Variants in RANBP2 observed in about 807,000 individuals in gnomAD.
RANBP2 encodes the protein E3 SUMO-protein ligase RanBP2.
Under a neutral mutation model 303.6 loss-of-function variants are expected in RANBP2, and 57 were observed. That is an observed-to-expected ratio of 0.19 (90% CI 0.15 to 0.23). The LOEUF is 0.23. Ranked by LOEUF, RANBP2 falls within the 10% of genes least tolerant of loss-of-function variation. RANBP2 has a pLI of 1.00. For synonymous variants in RANBP2, 1,167 were observed against 1,301.5 expected (o/e 0.90, Z 2.23); for missense variants, 3,138 against 3,780.8 (o/e 0.83, Z 4.46).
rs1676936395 is a variant in RANBP2, at chr2:108,764,007, A to T, written c.3468A>T (p.Thr1156=). The part of the protein sequence containing the change: ...TLETANKNHE[T]DGGSAHGDDD... ...AGACAGCAAACAAGAATCATGAGAC[A>T]GATGGAGGAAGTGCCCATGGGGATG... Residue 1156 remains threonine, a synonymous_variant, in exon 20 of 29, where the codon ACA becomes ACT. Transcript: ENST00000283195. 1 of 1,613,930 alleles carries T rather than the reference A, an allele frequency of 6.2e-7. No individual in the cohort carries two copies. The highest frequency in any genetic ancestry group is 8.5e-7 in the Non-Finnish European group (1 of 1,179,810).
chr2:108,738,278 C>T lies in RANBP2; in HGVS notation c.782+2029C>T, dbSNP rs374664348. Among the ~76,000 whole-genome samples, 226 of 143,360 alleles carry T rather than the reference C, an allele frequency of 1.6e-3. 1 individual carries two copies. The highest frequency in any genetic ancestry group is 6.2e-3 in the South Asian group (27 of 4,338). 94.0% of individuals were successfully genotyped at this position (143,360 alleles called of 152,430 possible). ...TTTTAGTAGAGATGGGGTTTCACCG[C>T]GTTAGCCAGGATGGTCTTGATCTCC... On this transcript the variant is annotated intron_variant, in intron 6 of 28. Transcript: ENST00000283195.
intron 25 of RANBP2, 62 bp from the exon 26 acceptor site, chr2:108,781,204 TAAG>T: frequency 2.7e-6 from 4 of 1,499,644 alleles, no homozygotes; most frequent in Non-Finnish European, 3.7e-6. Context: ...ATTGATAAAA[TAAG>T]AGGGGGATGA....
At chr2:108,750,082 G>C (rs1675744417) in intron 9 of RANBP2, among the ~76,000 whole-genome samples, 1 of 152,258 alleles carries the variant, frequency 6.6e-6, no homozygotes, top group Non-Finnish European at 1.5e-5. Context: ...GGAGGCGGAG[G>C]TTGCAGTGAG....
chr2:109,610,336 T>C, the RANBP2 span, among the ~76,000 whole-genome samples: 1 of 151,994 alleles, frequency 6.6e-6, no homozygotes. Flanking sequence ...GATCCATCCA[T>C]CTGGGCCTCC....
At chr2:108,828,360 T>G in the RANBP2 span, among the ~76,000 whole-genome samples, 3 of 152,186 alleles carry the variant, frequency 2.0e-5, no homozygotes, top group African/African-American at 7.2e-5. Flanking sequence ...CTACTTATCC[T>G]AAAATTGATA....
At chr2:109,639,289 T>A in the RANBP2 span, among the ~76,000 whole-genome samples, 1 of 152,204 alleles carries the variant, frequency 6.6e-6, no homozygotes, top group Non-Finnish European at 1.5e-5. Flanking sequence ...TTCTGCAGGC[T>A]TTAATAAGTG....
the RANBP2 span, among the ~76,000 whole-genome samples, chr2:109,352,486 G>C: frequency 2.0e-5 from 3 of 152,226 alleles, no homozygotes; most frequent in African/African-American, 7.2e-5. Context: ...CAAATTTGCA[G>C]TGTCGTCTCT....
chr2:109,135,446 G>A, the RANBP2 span, among the ~76,000 whole-genome samples: 3 of 152,190 alleles, frequency 2.0e-5, no homozygotes, highest in Non-Finnish European at 4.4e-5. Context: ...GTGAATTAGG[G>A]ATGCTATCTG....
the RANBP2 span, chr2:109,544,157 G>C: frequency 1.3e-6 from 2 of 1,560,416 alleles, no homozygotes; most frequent in Non-Finnish European, 1.7e-6. Flanking sequence ...CCTTGTACTT[G>C]AAAGTACTTT....
the RANBP2 span, among the ~76,000 whole-genome samples, chr2:108,893,160 GATTCTC>G: frequency 6.6e-6 from 1 of 152,052 alleles, no homozygotes; most frequent in African/African-American, 2.4e-5. Context: ...TGCAAACTGG[GATTCTC>G]ATATTACTAT....
At chr2:108,962,770 A>G in the RANBP2 span, among the ~76,000 whole-genome samples, 1 of 151,658 alleles carries the variant, frequency 6.6e-6, no homozygotes, top group Non-Finnish European at 1.5e-5. Flanking sequence ...ACACCATCGC[A>G]CACACACCCT....
At chr2:109,704,036 TG>T in the RANBP2 span, among the ~76,000 whole-genome samples, 4 of 152,056 alleles carry the variant, frequency 2.6e-5, no homozygotes, top group Admixed American at 2.6e-4. Context: ...AGGCTGAGGG[TG>T]GTGGGTCAAA....
chr2:109,130,425 T>C, the RANBP2 span, among the ~76,000 whole-genome samples: 281 of 152,308 alleles, frequency 1.8e-3, 5 homozygotes, highest in African/African-American at 6.3e-3. Context: ...TGCGTCTCCC[T>C]AGAAACGGGG....
At chr2:109,083,425 G>T in the RANBP2 span, among the ~76,000 whole-genome samples, 1 of 151,918 alleles carries the variant, frequency 6.6e-6, no homozygotes, top group Non-Finnish European at 1.5e-5. Flanking sequence ...ATTTCCCAGA[G>T]CATCACGGCC....
the RANBP2 span, chr2:108,882,952 G>T: frequency 6.6e-6 from 1 of 152,180 alleles, no homozygotes; most frequent in African/African-American, 2.4e-5. Context: ...ATTAAAGGGT[G>T]TGAGGTAGGG....
chr2:108,838,839 A>G, the RANBP2 span, among the ~76,000 whole-genome samples: 1 of 152,058 alleles, frequency 6.6e-6, no homozygotes, highest in South Asian at 2.1e-4. Context: ...TTTTCACCCC[A>G]GAATATGCCA....
chr2:109,445,854 A>G, the RANBP2 span, among the ~76,000 whole-genome samples: 2 of 152,086 alleles, frequency 1.3e-5, no homozygotes, highest in Non-Finnish European at 2.9e-5. Context: ...GATGCAATAG[A>G]TCATTTATTC....
At chr2:109,546,277 G>T in the RANBP2 span, 1 of 1,359,100 alleles carries the variant, frequency 7.4e-7, no homozygotes, top group South Asian at 1.5e-5. Context: ...GACACAGCGC[G>T]GCAGCAGAGG....
the RANBP2 span, among the ~76,000 whole-genome samples, chr2:109,199,622 TGG>T: frequency 0.023 from 3 of 132 alleles, 1 homozygote; most frequent in African/African-American, 0.065. Context: ...TGGAATGGAA[TGG>T]AATGGAATGG....
Sources: allele counts gnomAD v4.1 joint callset (sites outside exome capture counted in the v4.1 genomes callset), GRCh38; gene constraint gnomAD v4.1.1; transcripts MANE v1.5; gene names NCBI Gene and HGNC (gene_info 2026-07-23, HGNC 2026-07-21).